Variants in LMO2 observed in about 807,000 individuals in gnomAD.
LMO2 encodes the protein rhombotin-2.
LMO2 carries 20 observed loss-of-function variants against 23.2 expected under a neutral mutation model. That is an observed-to-expected ratio of 0.86 (90% CI 0.61 to 1.25). The LOEUF (loss-of-function observed/expected upper bound fraction) is 1.25. Among genes scored for constraint, LMO2 ranks in the 50% most tolerant of loss-of-function variants. The pLI, the probability that LMO2 is intolerant of heterozygous loss-of-function variation, is 0.00. For synonymous variants in LMO2, 123 were observed against 130.2 expected (o/e 0.94, Z 0.38); for missense variants, 270 against 315.3 (o/e 0.86, Z 1.09).
At chr11:33,860,743 CT>C (rs1856540919) in intron 5 of LMO2, among the ~76,000 whole-genome samples, 1 of 152,090 alleles carries the variant, frequency 6.6e-6, no homozygotes. Context: ...GCACTCCAGC[CT>C]GGGCCACAGA....
intron 1 of LMO2, among the ~76,000 whole-genome samples, chr11:33,891,360 C>A (rs1857542680): frequency 8.9e-6 from 1 of 112,964 alleles, no homozygotes; most frequent in South Asian, 3.0e-4. Flanking sequence ...CACACACACA[C>A]ACACACACAC....
intron 2 of LMO2, among the ~76,000 whole-genome samples, chr11:33,872,792 G>A (rs1197200047): frequency 2.6e-5 from 4 of 151,978 alleles, no homozygotes; most frequent in African/African-American, 7.3e-5. Context: ...ATGGAGTCTC[G>A]CTCTGATACC....
chr11:33,886,062 G>C (rs1857398604), intron 1 of LMO2, among the ~76,000 whole-genome samples: 1 of 152,110 alleles, frequency 6.6e-6, no homozygotes, highest in African/African-American at 2.4e-5. Flanking sequence ...ATTTTTAGTA[G>C]AGACGGGGTT....
In LMO2 at chr11:33,862,208, G is replaced by A. The variant is rs1856606678; in HGVS notation, c.464+2394C>T. 2.0e-5 allele frequency among the ~76,000 whole-genome samples: 3 copies of A among 152,200 alleles called. No individual in the cohort carries two copies. The South Asian group carries it at 6.2e-4, about 32-fold the overall frequency. On this transcript the variant is annotated intron_variant, in intron 5 of 5. Transcript: ENST00000257818. ...TATCCTCAGGCAAAGTCCCTCAGAG[G>A]GGAGGGACCCTGGAATATAAGTTAT...
chr11:33,877,226 G>C (rs549916597), intron 2 of LMO2, among the ~76,000 whole-genome samples: 2 of 152,342 alleles, frequency 1.3e-5, no homozygotes, highest in South Asian at 2.1e-4. Flanking sequence ...GCAACATAAA[G>C]AAGGTGCCAG....
At chr11:33,884,938 G>T (rs3781577) in intron 1 of LMO2, among the ~76,000 whole-genome samples, 1 of 151,910 alleles carries the variant, frequency 6.6e-6, no homozygotes, top group African/African-American at 2.4e-5. Flanking sequence ...ATAGGACCTC[G>T]GATCTTTCTC....
chr11:33,861,897 T>C, intron 5 of LMO2, among the ~76,000 whole-genome samples: 1 of 152,128 alleles, frequency 6.6e-6, no homozygotes, highest in Non-Finnish European at 1.5e-5. Flanking sequence ...CAGGCTTCTG[T>C]GACTTAAGCC....
chr11:33,882,047 G>T (rs1018136482), intron 1 of LMO2, among the ~76,000 whole-genome samples, 160 bp from the exon 2 acceptor site: 2 of 152,196 alleles, frequency 1.3e-5, no homozygotes, highest in Non-Finnish European at 2.9e-5. Flanking sequence ...GCAGGCGGGT[G>T]TCCTTGATAG....
intron 5 of LMO2, among the ~76,000 whole-genome samples, chr11:33,862,240 C>T: frequency 6.6e-6 from 1 of 152,198 alleles, no homozygotes; most frequent in Non-Finnish European, 1.5e-5. Flanking sequence ...TTATGCCTGG[C>T]TCCAGGCAAG....
At chr11:33,870,088 TTA>T (rs1856970605) in intron 2 of LMO2, 101 bp from the exon 3 acceptor site, 2 of 306,988 alleles carry the variant, frequency 6.5e-6, no homozygotes, top group Non-Finnish European at 9.3e-6. Context: ...TTTTTTTTTT[TTA>T]AACGGGGCTC....
chr11:33,867,377 G>A (rs1439220451), intron 4 of LMO2, among the ~76,000 whole-genome samples: 1 of 152,172 alleles, frequency 6.6e-6, no homozygotes, highest in Non-Finnish European at 1.5e-5. Context: ...GGCCTGAGAT[G>A]AGATGGAGAA....
intron 4 of LMO2, chr11:33,865,150 C>G (rs575690686): frequency 2.5e-6 from 1 of 393,496 alleles, no homozygotes; most frequent in East Asian, 5.7e-5. Context: ...TTTTCCCACT[C>G]TCCCCGCTGA....
chr11:33,874,590 T>G (rs1214389003), intron 2 of LMO2, among the ~76,000 whole-genome samples: 1 of 152,226 alleles, frequency 6.6e-6, no homozygotes, highest in Non-Finnish European at 1.5e-5. Context: ...TACCCCATCT[T>G]TCAGAAGTAA....
chr11:33,880,399 T>C lies in LMO2; in HGVS notation c.-272+1425A>G, dbSNP rs1857253897. ...CAACATGAAAGAAATTTGAAGACAT[T>C]GAGTGATATAAGCCAGTCCTGAGAG... is the stretch of plus-strand genomic sequence containing the variant. On this transcript the variant is annotated intron_variant, in intron 2 of 5. Transcript: ENST00000257818. The surrounding 1 kb of genome is among the most constrained non-coding windows in gnomAD (Gnocchi z 4.3). Among the ~76,000 whole-genome samples the C allele has an allele frequency of 6.6e-6, 1 of 151,740 alleles. No individual in the cohort carries two copies. The highest frequency in any genetic ancestry group is 1.5e-5 in the Non-Finnish European group (1 of 67,962).
intron 1 of LMO2, among the ~76,000 whole-genome samples, chr11:33,884,265 G>A (rs959462723): frequency 1.2e-4 from 18 of 152,258 alleles, no homozygotes; most frequent in African/African-American, 4.3e-4. Flanking sequence ...ATAATGCCGA[G>A]AGGAGGTAGT....
chr11:33,885,178 G>A (rs563439296), intron 1 of LMO2, among the ~76,000 whole-genome samples: 1 of 152,326 alleles, frequency 6.6e-6, no homozygotes, highest in East Asian at 1.9e-4. Context: ...ACGTCAGGAA[G>A]AAGTTATCTA....
intron 2 of LMO2, among the ~76,000 whole-genome samples, chr11:33,877,461 C>CTTT (rs398015741): frequency 0.013 from 1,348 of 104,286 alleles, 50 homozygotes; most frequent in African/African-American, 0.026. Flanking sequence ...TCTCCAGATT[C>CTTT]TTTTTTTTTT....
chr11:33,867,025 C>T (rs1003990566), intron 4 of LMO2, among the ~76,000 whole-genome samples: 10 of 152,194 alleles, frequency 6.6e-5, no homozygotes, highest in Admixed American at 3.9e-4. Context: ...GGAACCTGGA[C>T]GCACATTGGA....
In LMO2 at chr11:33,880,470, A is replaced by AT; in HGVS notation, c.-272+1353dup. Among the ~76,000 whole-genome samples the AT allele has an allele frequency of 6.6e-6, 1 of 152,174 alleles. No homozygotes were observed. Among genetic ancestry groups the AT allele is most frequent in the Non-Finnish European group, 1.5e-5 (1 of 68,032 alleles). Reference sequence around the variant, plus strand: ...CTACTTTTGTGAAGTACTTAAACAAATACATAGAGACAGAAAGTCGAATGG... The same window carrying AT: ...CTACTTTTGTGAAGTACTTAAACAAATTACATAGAGACAGAAAGTCGAATGG... On this transcript the variant is annotated intron_variant, in intron 2 of 5. Transcript: ENST00000257818. The surrounding 1 kb of genome is among the most constrained non-coding windows in gnomAD (Gnocchi z 4.3).
Sources: gnomAD v4.1 joint callset for allele counts (sites outside exome capture counted in the v4.1 genomes callset) on GRCh38, gnomAD v4.1.1 for gene constraint, Gnocchi (gnomAD v3.1) non-coding constraint, MANE v1.5 for transcripts, NCBI Gene and HGNC (gene_info 2026-07-23, HGNC 2026-07-21) for gene names.